PRKG1: variants seen among roughly 807,000 people sequenced by gnomAD.
PRKG1 encodes the protein cGMP-dependent protein kinase 1.
PRKG1 carries 35 observed loss-of-function variants against 88.1 expected under a neutral mutation model. That is an observed-to-expected ratio of 0.40 (90% CI 0.30 to 0.53). The LOEUF (loss-of-function observed/expected upper bound fraction) is 0.53, where lower values mean the gene tolerates loss of function less well. Among genes scored for constraint, PRKG1 ranks in the 20% least tolerant of loss-of-function variants. The probability of loss-of-function intolerance (pLI) is 0.59; values close to 1 mark genes in which losing one functional copy is unlikely to be tolerated. For missense variants in PRKG1, 540 were observed against 839.8 expected (o/e 0.64, Z 4.41); for synonymous variants, 303 against 292.5 (o/e 1.04, Z -0.37).
intron 2 of PRKG1, among the ~76,000 whole-genome samples, chr10:51,301,476 A>G (rs985057289): frequency 3.9e-5 from 6 of 152,182 alleles, no homozygotes; most frequent in Non-Finnish European, 7.3e-5. Flanking sequence ...AGGAATATCA[A>G]TTTTTAAACA....
intron 9 of PRKG1, among the ~76,000 whole-genome samples, chr10:52,224,501 A>G (rs12259238): frequency 0.99 from 148,268 of 149,800 alleles, 73,397 homozygotes; most frequent in Middle Eastern, 1. Flanking sequence ...TTGGTTACAT[A>G]AGTAAGTTTT....
chr10:50,996,961 A>G (rs1271395508), intron 1 of PRKG1, among the ~76,000 whole-genome samples: 2 of 152,218 alleles, frequency 1.3e-5, no homozygotes, highest in East Asian at 3.8e-4. Flanking sequence ...GAAAATTTTT[A>G]GGCAGCACGG....
At chr10:52,279,855 A>C (rs1841961296) in intron 12 of PRKG1, among the ~76,000 whole-genome samples, 1 of 151,916 alleles carries the variant, frequency 6.6e-6, no homozygotes, top group Non-Finnish European at 1.5e-5. Context: ...AATTGTGCTT[A>C]CTACTCGGGA....
At chr10:51,204,628 C>T (rs372660866) in intron 2 of PRKG1, among the ~76,000 whole-genome samples, 33 of 152,178 alleles carry the variant, frequency 2.2e-4, no homozygotes, top group Middle Eastern at 3.4e-3. Context: ...GTGGATATTA[C>T]GGATTGAAAA....
intron 2 of PRKG1, among the ~76,000 whole-genome samples, chr10:51,330,614 T>A (rs982571818): frequency 2.6e-5 from 4 of 152,242 alleles, no homozygotes; most frequent in Non-Finnish European, 4.4e-5. Context: ...TCTTTTCTAC[T>A]GTCAATGACC....
chr10:50,996,182 C>G (rs1048645682), intron 1 of PRKG1, among the ~76,000 whole-genome samples: 3 of 152,300 alleles, frequency 2.0e-5, no homozygotes, highest in Non-Finnish European at 4.4e-5. Context: ...TATTTACCTG[C>G]ACTAGCTCAT....
chr10:51,319,395 C>A (rs191437842), intron 2 of PRKG1, among the ~76,000 whole-genome samples: 3 of 152,156 alleles, frequency 2.0e-5, no homozygotes, highest in African/African-American at 7.2e-5. Context: ...ACCTAGTTAA[C>A]AATTTTTGGC....
chr10:51,070,586 T>G (rs1175111445), upstream of PRKG1, among the ~76,000 whole-genome samples: 1 of 152,190 alleles, frequency 6.6e-6, no homozygotes, highest in Non-Finnish European at 1.5e-5. Flanking sequence ...TGGATAAAAT[T>G]AGCACAGTTC....
intron 3 of PRKG1, among the ~76,000 whole-genome samples, chr10:51,603,869 TC>T (rs1488894888): frequency 6.6e-6 from 1 of 152,152 alleles, no homozygotes; most frequent in African/African-American, 2.4e-5. Context: ...TGTGCATACC[TC>T]TACTCCTCTA....
intron 4 of PRKG1, among the ~76,000 whole-genome samples, chr10:51,862,729 G>C (rs576461509): frequency 6.6e-6 from 1 of 152,156 alleles, no homozygotes; most frequent in African/African-American, 2.4e-5. Context: ...TCAAGGTTGG[G>C]TTTCTCTGGG....
At chr10:51,079,025 T>G (rs1844040554) in intron 1 of PRKG1, among the ~76,000 whole-genome samples, 1 of 152,210 alleles carries the variant, frequency 6.6e-6, no homozygotes, top group Non-Finnish European at 1.5e-5. Flanking sequence ...GTATATTAAA[T>G]TCTGTTGGAA....
At chr10:51,051,046 TA>T (rs1843554204) in intron 1 of PRKG1, among the ~76,000 whole-genome samples, 1 of 152,076 alleles carries the variant, frequency 6.6e-6, no homozygotes. Context: ...TTTGCTTATA[TA>T]TTTTGGATAT....
At chr10:51,818,403 C>T (rs1839648613) in intron 4 of PRKG1, among the ~76,000 whole-genome samples, 1 of 151,966 alleles carries the variant, frequency 6.6e-6, no homozygotes, top group African/African-American at 2.4e-5. Context: ...ACAAGAGATA[C>T]TCTGTTTGAT....
At chr10:51,150,660 A>G (rs200730504) in intron 1 of PRKG1, among the ~76,000 whole-genome samples, 1 of 152,130 alleles carries the variant, frequency 6.6e-6, no homozygotes, top group East Asian at 1.9e-4. Context: ...AAGTGACACA[A>G]CAGCCTATAT....
chr10:51,507,190 T>A (rs1841241655), intron 3 of PRKG1, among the ~76,000 whole-genome samples: 1 of 150,696 alleles, frequency 6.6e-6, no homozygotes, highest in Non-Finnish European at 1.5e-5. Context: ...TTAGGAGATA[T>A]ACCTAATGTT....
chr10:51,902,190 C>T (rs1348403290), intron 4 of PRKG1, among the ~76,000 whole-genome samples: 1 of 152,086 alleles, frequency 6.6e-6, no homozygotes, highest in Non-Finnish European at 1.5e-5. Context: ...GATCTCAGCT[C>T]ACCGCAACTT....
At chr10:52,111,076 G>A (rs1847552396) in intron 7 of PRKG1, among the ~76,000 whole-genome samples, 1 of 152,004 alleles carries the variant, frequency 6.6e-6, no homozygotes, top group Non-Finnish European at 1.5e-5. Flanking sequence ...TTACCGATAG[G>A]TAAATCTAGG....
At chr10:51,992,191 C>T (rs995200919) in intron 5 of PRKG1, among the ~76,000 whole-genome samples, 1 of 151,952 alleles carries the variant, frequency 6.6e-6, no homozygotes, top group Admixed American at 6.6e-5. Flanking sequence ...ACCTGAGATC[C>T]TCATGGCAAT....
intron 3 of PRKG1, among the ~76,000 whole-genome samples, chr10:51,755,717 G>A (rs938581450): frequency 6.6e-6 from 1 of 152,110 alleles, no homozygotes; most frequent in African/African-American, 2.4e-5. Flanking sequence ...CAGACTGATG[G>A]ATCCTGAAAT....
Sources: allele counts gnomAD v4.1 joint callset (sites outside exome capture counted in the v4.1 genomes callset), GRCh38; gene constraint gnomAD v4.1.1; transcripts MANE v1.5; gene names NCBI Gene and HGNC (gene_info 2026-07-23, HGNC 2026-07-21).